Variants in ZNF268 observed in about 807,000 individuals in gnomAD.
ZNF268 encodes zinc finger protein 3.
A neutral mutation model predicts 29.3 loss-of-function variants in ZNF268; 20 were observed. The ratio of observed to expected loss-of-function variants is 0.68; its 90% CI spans 0.48 to 0.99. The LOEUF is 0.99. Ranked by LOEUF, ZNF268 falls within the 50% of genes least tolerant of loss-of-function variation. The pLI is 0.00. For synonymous variants in ZNF268, 429 were observed against 376.9 expected (o/e 1.14, Z -1.60); for missense variants, 1,240 against 1,121.6 (o/e 1.11, Z -1.51).
chr12:133,194,978 C>T (rs1259018975), intron 5 of ZNF268, among the ~76,000 whole-genome samples: 1 of 67,036 alleles, frequency 1.5e-5, no homozygotes, highest in Non-Finnish European at 3.4e-5. Context: ...TCTTTATGGT[C>T]TATAGACCTA....
In ZNF268 at chr12:133,209,716, C is replaced by T. The variant is rs1317484367; in HGVS notation, c.*5186C>T. On this transcript the variant is annotated 3_prime_UTR_variant, in exon 6 of 6. Coordinates refer to ENST00000536435, the MANE Select transcript of ZNF268 (RefSeq NM_003415.3). ...TGGCATGCATCTATAATCCAAGCTA[C>T]TCAGGAGAATTGCTTGAACTGGAGA... The T allele has an allele frequency of 6.6e-6, 1 of 152,170 alleles. No homozygotes were observed. Among genetic ancestry groups the T allele is most frequent in the Non-Finnish European group, 1.5e-5 (1 of 68,042 alleles). The allele number at this position is 152,170 out of a possible 1,614,324, so 9.4% of individuals were successfully genotyped here.
rs1429656904 is a variant in ZNF268 at position 133,205,743 on chromosome 12, T to G, written c.*1213T>G. The G allele has an allele frequency of 2.6e-5, 4 of 152,206 alleles. No individual in the cohort carries two copies. The highest frequency in any genetic ancestry group is 7.2e-5 in the African/African-American group (3 of 41,446). The allele number at this position is 152,206 out of a possible 1,614,324, so 9.4% of individuals were successfully genotyped here. A position where few individuals can be genotyped will look rare whatever the true frequency, so the allele number is the denominator to read the frequency against. ...ATGTGTTTGTGTAGCCTGGAATCTA[T>G]TCTACCTTCACAGGTTAGAACATCT... is the stretch of plus-strand genomic sequence containing the variant. On this transcript the variant is annotated 3_prime_UTR_variant, in exon 6 of 6. Coordinates refer to ENST00000536435, the MANE Select transcript of ZNF268 (RefSeq NM_003415.3).
intron 2 of ZNF268, among the ~76,000 whole-genome samples, chr12:133,185,220 A>G (rs1956280044): frequency 6.6e-6 from 1 of 150,918 alleles, no homozygotes. Flanking sequence ...TGTGGTGGCT[A>G]CTTTAGCTTG....
Position 133,187,914 on chromosome 12 carries a change from A to G in ZNF268, c.76A>G (p.Arg26Gly). The G allele has an allele frequency of 6.2e-7, 1 of 1,600,728 alleles. No homozygotes were observed. The highest frequency in any genetic ancestry group is 8.5e-7 in the Non-Finnish European group (1 of 1,173,442). Residue 26 changes from arginine to glycine, a missense_variant, in exon 3 of 6, where the codon AGA becomes GGA. Physicochemically the swap from Arg to Gly is moderately radical, Grantham distance 125. Transcript: ENST00000536435. Reference sequence around the variant, plus strand: ...ACGAAACAGTTCATGGGATAGGATCAGAAAGCTCCAAGGTCAGGAATCCAT... The same window carrying G: ...ACGAAACAGTTCATGGGATAGGATCGGAAAGCTCCAAGGTCAGGAATCCAT... ...QERNSSWDRI[R>G]KLQGQESILG... is the part of the protein sequence containing the mutation.
rs1321522256 is a variant in ZNF268 at position 133,207,857 on chromosome 12, ATT to A, written c.*3328_*3329del. On this transcript the variant is annotated 3_prime_UTR_variant, in exon 6 of 6. Coordinates refer to ENST00000536435, the MANE Select transcript of ZNF268 (RefSeq NM_003415.3). ...AGATTTAATATTAGAAAATATTTTAATTAACTACCAGATAAAACTCATAAGGA... is the reference window on the plus strand; with the variant it reads ...AGATTTAATATTAGAAAATATTTTAAAACTACCAGATAAAACTCATAAGGA... The A allele has an allele frequency of 6.6e-6, 1 of 152,188 alleles. No individual in the cohort carries two copies. Among genetic ancestry groups the A allele is most frequent in the Non-Finnish European group, 1.5e-5 (1 of 68,044 alleles). 9.4% of individuals were successfully genotyped at this position (152,188 alleles called of 1,614,324 possible).
chr12:133,204,016 A>C lies in ZNF268; in HGVS notation c.2330A>C (p.Glu777Ala). Residue 777 changes from glutamate (E) to alanine (A), a missense_variant, in exon 6 of 6, where the codon GAA (glutamate) becomes GCA (alanine). Physicochemically the swap from Glu to Ala is moderately radical, Grantham distance 107 (BLOSUM62 -1). Around this residue, in one of 3 missense-constraint regions of ZNF268, gnomAD observed 1,177 missense variants for 1,039.6 expected, o/e 1.13. Coordinates refer to ENST00000536435, the MANE Select transcript of ZNF268 (RefSeq NM_003415.3). Reference protein sequence around the residue: ...LISHQRTHAGEKPYGCSECGK... With the variant: ...LISHQRTHAGAKPYGCSECGK... ...TCACATCAGCGAACTCATGCAGGGG[A>C]AAAGCCTTATGGGTGCAGTGAATGT... The C allele has an allele frequency of 6.3e-7, 1 of 1,576,168 alleles. No individual in the cohort carries two copies.
chr12:133,192,089 C>G (rs189564793), intron 5 of ZNF268, 86 bp downstream of exon 5: 1 of 1,146,770 alleles, frequency 8.7e-7, no homozygotes, highest in African/African-American at 1.6e-5. Context: ...TGTACTTTGC[C>G]TCGTGTATTA....
Position 133,203,611 on chromosome 12 carries a change from G to C in ZNF268, c.1925G>C (p.Cys642Ser). 6.4e-7 allele frequency: 1 copy of C among 1,569,092 alleles called. No individual in the cohort carries two copies. The highest frequency in any genetic ancestry group is 8.6e-7 in the Non-Finnish European group (1 of 1,160,646). The part of the protein sequence containing the change: ...RTHTGEKPYS[C>S]NECGKAFTFK... ...CATACAGGAGAGAAACCCTATAGTT[G>C]TAATGAATGTGGAAAAGCCTTTACG... The change falls in exon 6 of 6, where the codon TGT becomes TCT. Residue 642 changes from cysteine to serine, a missense_variant. Cys to Ser is a moderately radical substitution (Grantham distance 112). Coordinates refer to ENST00000536435, the MANE Select transcript of ZNF268 (RefSeq NM_003415.3).
chr12:133,190,639 GT>G (rs1420853424), intron 3 of ZNF268, among the ~76,000 whole-genome samples: 3 of 152,198 alleles, frequency 2.0e-5, no homozygotes, highest in Non-Finnish European at 4.4e-5. Context: ...ACTTACAGCA[GT>G]TACCTTTTTA....
At position 133,202,288 on chromosome 12, in the gene ZNF268, A is replaced by G. The variant is rs773894495; in HGVS notation, c.602A>G (p.His201Arg). The G allele has an allele frequency of 6.2e-7, 1 of 1,612,732 alleles. No individual in the cohort carries two copies. The highest frequency in any genetic ancestry group is 1.3e-5 in the African/African-American group (1 of 74,998). The change falls in exon 6 of 6, where the codon CAT becomes CGT. Residue 201 changes from histidine to arginine, a missense_variant. By Grantham distance (29) the His-to-Arg change is conservative (BLOSUM62 0). This residue lies in a region of ZNF268 where 1,177 missense variants were observed against 1,039.6 expected (regional missense o/e 1.13). Transcript: ENST00000536435. Reference protein sequence around the residue: ...STKYLSRQKPHKCGTHGKSLK... With the variant: ...STKYLSRQKPRKCGTHGKSLK... ...AAGTATCTTTCAAGACAAAAACCTC[A>G]TAAATGTGGCACGCATGGAAAGAGT...
At chr12:133,187,433 T>A (rs1164206271) in intron 2 of ZNF268, among the ~76,000 whole-genome samples, 3 of 152,184 alleles carry the variant, frequency 2.0e-5, no homozygotes, top group African/African-American at 7.2e-5. Context: ...AAATATTATG[T>A]TACAATTTTT....
intron 3 of ZNF268, among the ~76,000 whole-genome samples, chr12:133,190,103 T>A (rs1018127646): frequency 6.6e-6 from 1 of 152,216 alleles, no homozygotes; most frequent in African/African-American, 2.4e-5. Flanking sequence ...CCATGGCGCC[T>A]GGCCCAAGTT....
At chr12:133,191,647 T>G in intron 4 of ZNF268, 32 bp downstream of exon 4, 1 of 1,609,486 alleles carries the variant, frequency 6.2e-7, no homozygotes, top group Non-Finnish European at 8.5e-7. Flanking sequence ...AGGAGTGTGC[T>G]CGATCTCCAG....
chr12:133,198,352 C>A (rs1407895970), intron 5 of ZNF268, among the ~76,000 whole-genome samples: 1 of 149,532 alleles, frequency 6.7e-6, no homozygotes, highest in Admixed American at 6.7e-5. Context: ...TGTAGATATG[C>A]GGCATTATTT....
Position 133,187,932 on chromosome 12 carries a change from G to T in ZNF268, c.94G>T (p.Glu32Ter). The change falls in exon 3 of 6, where the codon GAA becomes TAA. Residue 32 changes from glutamate to a stop codon, truncating the protein, a stop_gained. Transcript: ENST00000536435. LOFTEE classifies it high-confidence loss of function. ...TAGGATCAGAAAGCTCCAAGGTCAGGAATCCATCTTGGGCCAAGGGACTCC... is the reference window on the plus strand; with the variant it reads ...TAGGATCAGAAAGCTCCAAGGTCAGTAATCCATCTTGGGCCAAGGGACTCC... ...WDRIRKLQGQ[E>*]SILGQGTPGL... 6.2e-7 allele frequency: 1 copy of T among 1,601,018 alleles called. No homozygotes were observed.
In ZNF268 at chr12:133,202,339, A is replaced by G; in HGVS notation, c.653A>G (p.Asp218Gly). Reference sequence around the variant, plus strand: ...TTGAAATATATAGATTTCACTAGTGATTATGCTAGAAATAATCCTAATGGG... The same window carrying G: ...TTGAAATATATAGATTTCACTAGTGGTTATGCTAGAAATAATCCTAATGGG... ...KSLKYIDFTS[D>G]YARNNPNGFQ... The change falls in exon 6 of 6, where the codon GAT becomes GGT. Residue 218 changes from aspartate (D) to glycine (G), a missense_variant. Asp to Gly is a moderately conservative substitution (Grantham distance 94). Transcript: ENST00000536435. 1 of 1,611,632 alleles carries G rather than the reference A, an allele frequency of 6.2e-7. No individual in the cohort carries two copies.
rs776699658 is a variant in ZNF268 at position 133,203,735 on chromosome 12, C to G, written c.2049C>G (p.Leu683=). ...AAACCTTTAGTTTGAAGTCCCAGCT[C>G]ATTGTACATCAGAGAAGTCACACAG... ...CAKTFSLKSQ[L]IVHQRSHTGV... Residue 683 remains leucine, a synonymous_variant, in exon 6 of 6, where the codon CTC becomes CTG. Transcript: ENST00000536435. The G allele has an allele frequency of 6.4e-7, 1 of 1,554,136 alleles. No individual in the cohort carries two copies. Among genetic ancestry groups the G allele is most frequent in the Non-Finnish European group, 8.6e-7 (1 of 1,156,158 alleles).
rs1271902829 is a variant in ZNF268 at position 133,181,639 on chromosome 12, A to C, written c.-100A>C. On this transcript the variant is annotated 5_prime_UTR_variant, in exon 1 of 6. Transcript: ENST00000536435. ...CTGCAGATCTGGAGGTGGAGGCAGT[A>C]CCCTGGACTCTATTCTGCTGCCCCT... The C allele has an allele frequency of 1.2e-5, 3 of 260,260 alleles. No individual in the cohort carries two copies. The highest frequency in any genetic ancestry group is 2.2e-5 in the African/African-American group (1 of 45,796). The allele number at this position is 260,260 out of a possible 1,614,324, so 16.1% of individuals were successfully genotyped here.
rs771307406 is a variant in ZNF268, at chr12:133,191,599, C to T, written c.345C>T (p.Ser115=). Residue 115 remains serine (S), a synonymous_variant, in exon 4 of 6, where the codon AGC becomes AGT. Transcript: ENST00000536435. ...LYRSVMLENY[S]NLVSLGYQHT... ...GGAGTGTGATGTTGGAGAACTATAG[C>T]AACCTGGTGTCCCTAGGTAAGTGCT... 6 of 1,613,918 alleles carry T rather than the reference C, an allele frequency of 3.7e-6. No individual in the cohort carries two copies. The African/African-American group carries it at 8.0e-5, about 22-fold the overall frequency.
Sources: gnomAD v4.1 joint callset for allele counts (sites outside exome capture counted in the v4.1 genomes callset) on GRCh38, gnomAD v4.1.1 for gene constraint, gnomAD v4.1.1 regional missense constraint, MANE v1.5 for transcripts, NCBI Gene and HGNC (gene_info 2026-07-23, HGNC 2026-07-21) for gene names.